The following JAG1 variants were observed in gnomAD, a reference collection of about 807,000 sequenced individuals.
JAG1 encodes protein jagged-1.
In JAG1, 23 loss-of-function variants were observed where a neutral mutation model predicts 148.7. The ratio of observed to expected loss-of-function variants is 0.15; its 90% CI spans 0.11 to 0.22. The LOEUF is 0.22. Among genes scored for constraint, JAG1 ranks in the 10% least tolerant of loss-of-function variants. The pLI, the probability that JAG1 is intolerant of heterozygous loss-of-function variation, is 1.00. For missense variants in JAG1, 1,054 were observed against 1,611.2 expected (o/e 0.65, Z 5.92); for synonymous variants, 572 against 598.3 (o/e 0.96, Z 0.64).
rs765903539 is a variant in JAG1, at chr20:10,641,903, G to A, written c.2573-11C>T. 2 of 1,546,608 alleles carry A rather than the reference G, an allele frequency of 1.3e-6. No homozygotes were observed. The highest frequency in any genetic ancestry group is 1.1e-5 in the South Asian group (1 of 89,574). On this transcript the variant is annotated splice_polypyrimidine_tract_variant and intron_variant, in intron 21 of 25. Transcript: ENST00000254958. ...AAGGTCTCCCTGAAACTGACAGGTG[G>A]AGACGGGTGAGCAGTTTATTTTTCT... is the stretch of plus-strand genomic sequence containing the variant.
chr20:10,658,589 G>A lies in JAG1; in HGVS notation c.573C>T (p.Tyr191=), dbSNP rs766426780. ...YQIRVTCDDY[Y]YGFGCNKFCR... ...AGAACTTATTGCAGCCAAAGCCATA[G>A]TAGTAGTCATCACAGGTCACGCGGA... is the stretch of plus-strand genomic sequence containing the variant. Residue 191 remains tyrosine (Y), a synonymous_variant, in exon 4 of 26, where the codon TAC becomes TAT. Transcript: ENST00000254958. 4 of 1,614,126 alleles carry A rather than the reference G, an allele frequency of 2.5e-6. No homozygotes were observed. Among genetic ancestry groups the A allele is most frequent in the East Asian group, 4.5e-5 (2 of 44,902 alleles).
Position 10,639,828 on chromosome 20 carries a change from G to A in JAG1, c.3327C>T (p.Asp1109=). The A allele has an allele frequency of 6.2e-7, 1 of 1,614,154 alleles. No individual in the cohort carries two copies. The highest frequency in any genetic ancestry group is 2.2e-5 in the East Asian group (1 of 44,870). The change falls in exon 26 of 26, where the codon GAC becomes GAT. Residue 1109 remains aspartate (D), a synonymous_variant. Coordinates refer to ENST00000254958, the MANE Select transcript of JAG1 (RefSeq NM_000214.3). ...PGSHTHSASE[D]NTTNNVREQL... ...GCTCCCGCACGTTGTTGGTGGTGTTGTCCTCAGAGGCTGAGTGTGTGTGGC... is the reference window on the plus strand; with the variant it reads ...GCTCCCGCACGTTGTTGGTGGTGTTATCCTCAGAGGCTGAGTGTGTGTGGC...
rs1568790649 is a variant in JAG1 at position 10,639,585 on chromosome 20, CGGCGT to C, written c.3565_3569del (p.Thr1189AspfsTer38). The stretch of plus-strand genomic sequence containing the variant: ...TGTTTGTCCAGTTTGGGTGTTTTGT[CGGCGT>C]GCCGTTGGGGGGCTTCTCTTCTCTG... On this transcript the variant is annotated frameshift_variant, in exon 26 of 26. Coordinates refer to ENST00000254958, the MANE Select transcript of JAG1 (RefSeq NM_000214.3). LOFTEE classifies it high-confidence loss of function. 4 of 1,614,152 alleles carry C rather than the reference CGGCGT, an allele frequency of 2.5e-6. No individual in the cohort carries two copies. The highest frequency in any genetic ancestry group is 3.4e-6 in the Non-Finnish European group (4 of 1,180,042).
intron 23 of JAG1, 81 bp downstream of exon 23, chr20:10,641,379 A>G (rs912089890): frequency 2.7e-6 from 4 of 1,501,244 alleles, no homozygotes; most frequent in Non-Finnish European, 3.7e-6. Context: ...GGAGAAGTAG[A>G]TCCTAGCTCA....
In JAG1 at chr20:10,645,134, T is replaced by C. The variant is rs763616526; in HGVS notation, c.2227+9A>G. 9.9e-5 allele frequency: 160 copies of C among 1,609,528 alleles called. 1 individual carries two copies. Among genetic ancestry groups the C allele is most frequent in the Middle Eastern group, 3.3e-4 (2 of 6,078 alleles). On this transcript the variant is annotated intron_variant, in intron 17 of 25. Coordinates refer to ENST00000254958, the MANE Select transcript of JAG1 (RefSeq NM_000214.3). This position sits in a 1 kb window ranked among gnomAD's most constrained non-coding sequence, Gnocchi z 6.1. ...CCCACTGCAGATCCCACGTGGGGCATAAAGTTACCTATGTTACAGGTTGTT... is the reference window on the plus strand; with the variant it reads ...CCCACTGCAGATCCCACGTGGGGCACAAAGTTACCTATGTTACAGGTTGTT...
At position 10,650,357 on chromosome 20, in the gene JAG1, A is replaced by G; in HGVS notation, c.1124T>C (p.Ile375Thr). 6.3e-7 allele frequency: 1 copy of G among 1,577,966 alleles called. No individual in the cohort carries two copies. The highest frequency in any genetic ancestry group is 1.1e-5 in the South Asian group (1 of 90,132). Reference sequence around the variant, plus strand: ...ACAGTTATTAGGAGAACAGTCATCAATGTCTGGTCAACAAGAAAAGGAGGG... The same window carrying G: ...ACAGTTATTAGGAGAACAGTCATCAGTGTCTGGTCAACAAGAAAAGGAGGG... ...GWTGPTCSTNIDDCSPNNCSH... is the reference protein window; with the variant it reads ...GWTGPTCSTNTDDCSPNNCSH... The change falls in exon 9 of 26, where the codon ATT becomes ACT. Residue 375 changes from isoleucine to threonine, a missense_variant. Coordinates refer to ENST00000254958, the MANE Select transcript of JAG1 (RefSeq NM_000214.3).
At chr20:10,656,246 T>G (rs1449735032) in intron 5 of JAG1, 152 bp downstream of exon 5, 1 of 654,476 alleles carries the variant, frequency 1.5e-6, no homozygotes, top group Non-Finnish European at 2.7e-6. Context: ...CTGGTATAAT[T>G]TAATAAGCTT....
chr20:10,642,419 G>T, intron 21 of JAG1, 69 bp downstream of exon 21: 1 of 890,226 alleles, frequency 1.1e-6, no homozygotes, highest in Non-Finnish European at 1.9e-6. Flanking sequence ...TTTGTGAAAA[G>T]TCAAATGGTG....
chr20:10,665,520 A>C (rs2067447916), intron 2 of JAG1, among the ~76,000 whole-genome samples: 1 of 152,148 alleles, frequency 6.6e-6, no homozygotes, highest in Non-Finnish European at 1.5e-5. Flanking sequence ...TGCCTCTTTA[A>C]GTTTCTTAGG....
chr20:10,639,799 A>T lies in JAG1; in HGVS notation c.3356T>A (p.Leu1119Gln). Reference sequence around the variant, plus strand: ...CTCAATGGGGTTTTTGATCTGGTTCAGCTGCTCCCGCACGTTGTTGGTGGT... The same window carrying T: ...CTCAATGGGGTTTTTGATCTGGTTCTGCTGCTCCCGCACGTTGTTGGTGGT... ...DNTTNNVREQ[L>Q]NQIKNPIEKH... is the part of the protein sequence containing the mutation. The change falls in exon 26 of 26, where the codon CTG becomes CAG. Residue 1119 changes from leucine (L) to glutamine (Q), a missense_variant. By Grantham distance (113) the Leu-to-Gln change is moderately radical (BLOSUM62 -2). Around this residue, in one of 6 missense-constraint regions of JAG1, gnomAD observed 177 missense variants for 177.3 expected, o/e 1.00. Transcript: ENST00000254958. The T allele has an allele frequency of 1.2e-6, 2 of 1,614,174 alleles. No homozygotes were observed. Among genetic ancestry groups the T allele is most frequent in the East Asian group, 4.5e-5 (2 of 44,868 alleles).
At position 10,645,291 on chromosome 20, in the gene JAG1, C is replaced by T; in HGVS notation, c.2114-35G>A. 1 of 1,601,308 alleles carries T rather than the reference C, an allele frequency of 6.2e-7. No individual in the cohort carries two copies. Among genetic ancestry groups the T allele is most frequent in the Non-Finnish European group, 8.6e-7 (1 of 1,168,302 alleles). ...AATATTTCAGTGTGAGTCCCAGTGG[C>T]CCCCTCCCACAGAAGACAGAGGGAA... On this transcript the variant is annotated intron_variant, in intron 16 of 25. Transcript: ENST00000254958. The surrounding 1 kb of genome is among the most constrained non-coding windows in gnomAD (Gnocchi z 6.1).
Position 10,645,874 on chromosome 20 carries a change from G to C in JAG1, c.1999+97C>G. 1 of 876,606 alleles carries C rather than the reference G, an allele frequency of 1.1e-6. No homozygotes were observed. 54.3% of individuals were successfully genotyped at this position (876,606 alleles called of 1,614,324 possible). A position where few individuals can be genotyped will look rare whatever the true frequency, so the allele number is the denominator to read the frequency against. ...AGAAATCACTGCGGTCTTGCTTCCA[G>C]AGATTTCCAGTACAAAGAAAGTTTT... On this transcript the variant is annotated intron_variant, in intron 15 of 25. Coordinates refer to ENST00000254958, the MANE Select transcript of JAG1 (RefSeq NM_000214.3). This position sits in a 1 kb window ranked among gnomAD's most constrained non-coding sequence, Gnocchi z 6.1.
At chr20:10,663,813 T>G in intron 3 of JAG1, 150 bp downstream of exon 3, 1 of 716,778 alleles carries the variant, frequency 1.4e-6, no homozygotes, top group Non-Finnish European at 2.6e-6. Flanking sequence ...TACATTCCAC[T>G]GAAGGTTCAC....
intron 21 of JAG1, among the ~76,000 whole-genome samples, 191 bp downstream of exon 21, chr20:10,642,297 T>C (rs1378577110): frequency 1.3e-5 from 2 of 152,186 alleles, no homozygotes; most frequent in Non-Finnish European, 2.9e-5. Flanking sequence ...GTACACAGTT[T>C]TGTGGCAACA....
chr20:10,663,240 T>A (rs147945352), intron 3 of JAG1, among the ~76,000 whole-genome samples: 3,399 of 152,244 alleles, frequency 0.022, 104 homozygotes, highest in African/African-American at 0.071. Flanking sequence ...CAAACTCTGC[T>A]GGCAAAAAGG....
chr20:10,658,438 A>G (rs755488167), intron 4 of JAG1, 30 bp downstream of exon 4: 3 of 1,612,274 alleles, frequency 1.9e-6, no homozygotes, highest in East Asian at 4.5e-5. Flanking sequence ...AGCAACAGGC[A>G]CACGTGCACA....
chr20:10,652,146 G>T lies in JAG1; in HGVS notation c.991C>A (p.Pro331Thr), dbSNP rs2067351183. The T allele has an allele frequency of 6.2e-7, 1 of 1,613,836 alleles. No individual in the cohort carries two copies. The highest frequency in any genetic ancestry group is 1.3e-5 in the African/African-American group (1 of 74,862). Residue 331 changes from proline (P) to threonine (T), a missense_variant, in exon 7 of 26, where the codon CCC becomes ACC. Physicochemically the swap from Pro to Thr is conservative, Grantham distance 38. Around this residue, in one of 6 missense-constraint regions of JAG1, gnomAD observed 104 missense variants for 235.2 expected, o/e 0.44. Transcript: ENST00000254958. ...GACCACTTACCAATTTCACAGTTGG[G>T]TCCTGAATACCCCTCAGGGCAGGAA... ...QCSCPEGYSG[P>T]NCEIAEHACL...
intron 11 of JAG1, 115 bp from the exon 12 acceptor site, chr20:10,648,837 C>T: frequency 9.2e-7 from 1 of 1,084,138 alleles, no homozygotes; most frequent in Admixed American, 1.9e-5. Context: ...ACTGAAATAG[C>T]CAAATGCTAA....
chr20:10,673,497 G>T lies in JAG1; in HGVS notation c.34C>A (p.Arg12Ser). The change falls in exon 1 of 26, where the codon CGC becomes AGC. Residue 12 changes from arginine (R) to serine (S), a missense_variant. Physicochemically the swap from Arg to Ser is moderately radical, Grantham distance 110 (BLOSUM62 -1). This residue lies in a region of JAG1 where 151 missense variants were observed against 211.1 expected (regional missense o/e 0.72). Coordinates refer to ENST00000254958, the MANE Select transcript of JAG1 (RefSeq NM_000214.3). This position sits in a 1 kb window ranked among gnomAD's most constrained non-coding sequence, Gnocchi z 4.7. Reference protein sequence around the residue: ...RSPRTRGRSGRPLSLLLALLC... With the variant: ...RSPRTRGRSGSPLSLLLALLC... ...AGGGCGAGCAGGAGGCTTAGGGGGC[G>T]CCCGGACCGGCCGCGCGTCCGTGGG... 1 of 1,276,424 alleles carries T rather than the reference G, an allele frequency of 7.8e-7. No homozygotes were observed. The highest frequency in any genetic ancestry group is 1.0e-6 in the Non-Finnish European group (1 of 1,004,490). 79.1% of individuals were successfully genotyped at this position (1,276,424 alleles called of 1,614,324 possible).
Sources: gnomAD v4.1 joint callset for allele counts (sites outside exome capture counted in the v4.1 genomes callset) on GRCh38, gnomAD v4.1.1 for gene constraint, gnomAD v4.1.1 regional missense constraint, Gnocchi (gnomAD v3.1) non-coding constraint, MANE v1.5 for transcripts, NCBI Gene and HGNC (gene_info 2026-07-23, HGNC 2026-07-21) for gene names.